Variants in NOX4 observed in about 807,000 individuals in gnomAD.
NOX4 encodes the protein NADPH oxidase 4, also known as kidney oxidase-1.
Under a neutral mutation model 87.6 loss-of-function variants are expected in NOX4, and 69 were observed. That is an observed-to-expected ratio of 0.79 (90% confidence interval 0.65 to 0.96). The LOEUF is 0.96. Among genes scored for constraint, NOX4 ranks in the 40% least tolerant of loss-of-function variants. The pLI is 0.00. For missense variants in NOX4, 680 were observed against 681.5 expected, an observed-to-expected ratio of 1.00 and a Z score of 0.02; for synonymous variants, 275 against 238.2, an observed-to-expected ratio of 1.15 and a Z score of -1.42.
At chr11:89,507,184 A>G in the NOX4 span, among the ~76,000 whole-genome samples, 2 of 151,874 alleles carry the variant, frequency 1.3e-5, no homozygotes. Context: ...AGGGATTACA[A>G]AAAAGATTGA....
chr11:89,473,651 C>A (rs1946044298), intron 2 of NOX4, among the ~76,000 whole-genome samples: 1 of 152,072 alleles, frequency 6.6e-6, no homozygotes, highest in African/African-American at 2.4e-5. Flanking sequence ...TTTACTCCTC[C>A]TGAACTCAAT....
intron 16 of NOX4, among the ~76,000 whole-genome samples, chr11:89,336,517 G>A (rs1945722266): frequency 6.6e-6 from 1 of 151,814 alleles, no homozygotes; most frequent in Non-Finnish European, 1.5e-5. Flanking sequence ...TCCAAAATTG[G>A]GTCTATCAAC....
the NOX4 span, among the ~76,000 whole-genome samples, chr11:89,521,825 A>T: frequency 6.6e-6 from 1 of 152,156 alleles, no homozygotes; most frequent in Non-Finnish European, 1.5e-5. Context: ...GTACTTAAAC[A>T]ACTGAACAAG....
At chr11:89,449,045 A>G (rs1444146066) in intron 4 of NOX4, among the ~76,000 whole-genome samples, 1 of 152,124 alleles carries the variant, frequency 6.6e-6, no homozygotes, top group African/African-American at 2.4e-5. Context: ...ACTTTTGGAT[A>G]TCATAATGTA....
chr11:89,403,198 A>T (rs1465929658), intron 8 of NOX4, among the ~76,000 whole-genome samples: 4 of 152,152 alleles, frequency 2.6e-5, no homozygotes, highest in Non-Finnish European at 4.4e-5. Flanking sequence ...ATTATTTCTT[A>T]TTTTGTGAGA....
At chr11:89,377,807 TTTG>T (rs1207796632) in intron 11 of NOX4, among the ~76,000 whole-genome samples, 5 of 152,198 alleles carry the variant, frequency 3.3e-5, no homozygotes, top group Non-Finnish European at 5.9e-5. Flanking sequence ...TTTAATCATT[TTTG>T]TTGTCTTTAT....
At chr11:89,429,442 A>G (rs932722057) in intron 7 of NOX4, among the ~76,000 whole-genome samples, 7 of 152,222 alleles carry the variant, frequency 4.6e-5, no homozygotes, top group African/African-American at 1.7e-4. Context: ...GAAAAGATCA[A>G]CAAAATTGAT....
At chr11:89,528,802 AATCT>A in the NOX4 span, among the ~76,000 whole-genome samples, 5 of 152,158 alleles carry the variant, frequency 3.3e-5, no homozygotes, top group African/African-American at 4.8e-5. Context: ...GGACTAATAT[AATCT>A]ATCTATCTGC....
intron 13 of NOX4, among the ~76,000 whole-genome samples, chr11:89,353,383 C>T (rs1187549540): frequency 5.9e-5 from 9 of 152,092 alleles, no homozygotes; most frequent in South Asian, 2.1e-4. Flanking sequence ...CAGTCAGCAA[C>T]CATCAACATC....
intron 13 of NOX4, among the ~76,000 whole-genome samples, chr11:89,351,014 A>G (rs1946432753): frequency 6.6e-6 from 1 of 152,258 alleles, no homozygotes; most frequent in Admixed American, 6.5e-5. Context: ...GAAAGCTGAG[A>G]TAGGCATAAA....
chr11:89,368,349 C>T (rs1939174378), intron 12 of NOX4, among the ~76,000 whole-genome samples: 1 of 151,988 alleles, frequency 6.6e-6, no homozygotes, highest in South Asian at 2.1e-4. Flanking sequence ...TAGAGAGCTG[C>T]TATAACAAAA....
At position 89,360,831 on chromosome 11, in the gene NOX4, C is replaced by G. The variant is rs540478339; in HGVS notation, c.1136-5788G>C. ...TTTCTCAAAAGAAGACATACAACAG[C>G]TAACAAACATGAAAAAATGGCCAAC... On this transcript the variant is annotated intron_variant, in intron 12 of 17. Transcript: ENST00000263317. Among the ~76,000 whole-genome samples, 8 of 151,996 alleles carry G rather than the reference C, an allele frequency of 5.3e-5. No individual in the cohort carries two copies. The South Asian group carries it at 6.2e-4, about 12-fold the overall frequency.
intron 2 of NOX4, among the ~76,000 whole-genome samples, chr11:89,471,264 G>C (rs1356047658): frequency 1.3e-5 from 2 of 152,152 alleles, no homozygotes; most frequent in African/African-American, 4.8e-5. Flanking sequence ...GCACAGGCAA[G>C]TGGAAAAGCC....
At chr11:89,558,361 A>G in the NOX4 span, among the ~76,000 whole-genome samples, 1 of 152,150 alleles carries the variant, frequency 6.6e-6, no homozygotes. Flanking sequence ...ATAAACTAAG[A>G]GTTAATTTTA....
chr11:89,418,532 T>C (rs1391977374), intron 8 of NOX4, among the ~76,000 whole-genome samples: 2 of 151,260 alleles, frequency 1.3e-5, no homozygotes, highest in Non-Finnish European at 3.0e-5. Flanking sequence ...CAATTAATAT[T>C]AATTGTTAAT....
upstream of NOX4, among the ~76,000 whole-genome samples, chr11:89,501,171 G>A (rs1249167163): frequency 6.6e-6 from 1 of 151,972 alleles, no homozygotes; most frequent in Admixed American, 6.6e-5. Flanking sequence ...ATAAAGTTAG[G>A]CAAGAAGTGG....
chr11:89,567,855 A>G, the NOX4 span, among the ~76,000 whole-genome samples: 2 of 152,268 alleles, frequency 1.3e-5, no homozygotes, highest in Admixed American at 1.3e-4. Context: ...GTGCATGGAG[A>G]CCCAGCCACT....
chr11:89,357,904 A>G (rs1012042923), intron 12 of NOX4, among the ~76,000 whole-genome samples: 26 of 152,212 alleles, frequency 1.7e-4, no homozygotes, highest in African/African-American at 5.5e-4. Flanking sequence ...AAACACATAC[A>G]CAGATGCACA....
In NOX4 at chr11:89,491,275, T is replaced by C. The variant is rs751726600; in HGVS notation, c.-29A>G. 1.9e-6 allele frequency: 3 copies of C among 1,603,324 alleles called. No homozygotes were observed. The highest frequency in any genetic ancestry group is 2.6e-6 in the Non-Finnish European group (3 of 1,174,964). ...GCCGGCCCCGCCGCGCTGCGCTCTGTGCCCGCCGGACCGAGAAGGAGCGGG... is the reference window on the plus strand; with the variant it reads ...GCCGGCCCCGCCGCGCTGCGCTCTGCGCCCGCCGGACCGAGAAGGAGCGGG... On this transcript the variant is annotated 5_prime_UTR_variant, in exon 1 of 18. Coordinates refer to ENST00000263317, the MANE Select transcript of NOX4 (RefSeq NM_016931.5).
Sources: gnomAD v4.1 joint callset for allele counts (sites outside exome capture counted in the v4.1 genomes callset) on GRCh38, gnomAD v4.1.1 for gene constraint, MANE v1.5 for transcripts, NCBI Gene and HGNC (gene_info 2026-07-23, HGNC 2026-07-21) for gene names.